The following PYGO1 variants were observed in gnomAD, a reference collection of about 807,000 sequenced individuals.
PYGO1 encodes the protein pygopus family PHD finger 1.
Under a neutral mutation model 29.5 loss-of-function variants are expected in PYGO1, and 6 were observed. That is an observed-to-expected ratio of 0.20 (90% confidence interval 0.11 to 0.40). PYGO1 has a LOEUF of 0.40. PYGO1 is among the 10% of genes least tolerant of loss of function. The pLI is 1.00. For synonymous variants in PYGO1, 186 were observed against 180.5 expected (o/e 1.03, Z -0.24); for missense variants, 515 against 514.9 (o/e 1.00, Z 0.00).
In PYGO1 at chr15:55,568,267, G is replaced by T. The variant is rs2058965335; in HGVS notation, c.50-19272C>A. On this transcript the variant is annotated intron_variant, in intron 1 of 2. Coordinates refer to ENST00000563719, the MANE Select transcript of PYGO1 (RefSeq NM_001367806.1). ...TGATTTATTTTATCAGTGTTTTTTA[G>T]TTCTCCTTGTAGAGATGTTTCACCT... is the stretch of plus-strand genomic sequence containing the variant. Among the ~76,000 whole-genome samples the T allele has an allele frequency of 2.7e-5, 4 of 148,344 alleles. No homozygotes were observed. The South Asian group carries it at 6.4e-4, about 24-fold the overall frequency.
At chr15:55,582,523 T>TA (rs2059029535) in intron 1 of PYGO1, among the ~76,000 whole-genome samples, 2 of 152,182 alleles carry the variant, frequency 1.3e-5, no homozygotes, top group Non-Finnish European at 2.9e-5. Context: ...TCCCAAATGT[T>TA]AGTGTTTCCA....
chr15:55,569,475 G>A (rs2058971619), intron 1 of PYGO1, among the ~76,000 whole-genome samples: 1 of 152,070 alleles, frequency 6.6e-6, no homozygotes. Flanking sequence ...ATTTTGGTAT[G>A]TTGTGCCTCT....
chr15:55,588,963 A>C, upstream of PYGO1: 1 of 944,258 alleles, frequency 1.1e-6, no homozygotes, highest in Non-Finnish European at 1.7e-6. Flanking sequence ...AGAAAGAGCG[A>C]CGTAGAATAA....
At position 55,546,969 on chromosome 15, in the gene PYGO1, C is replaced by T; in HGVS notation, c.314G>A (p.Arg105Lys). The stretch of plus-strand genomic sequence containing the variant: ...TCTTGGGGGAACGTGAGGTGGCATT[C>T]TGAATGTACTATAGCCTCCAAAGCC... ...YPGFGGYSTF[R>K]MPPHVPPRMS... The change falls in exon 3 of 3, where the codon AGA (arginine) becomes AAA (lysine). Residue 105 changes from arginine to lysine, a missense_variant. Arg to Lys is a conservative substitution (Grantham distance 26). Coordinates refer to ENST00000563719, the MANE Select transcript of PYGO1 (RefSeq NM_001367806.1). 1.2e-6 allele frequency: 2 copies of T among 1,614,030 alleles called. No homozygotes were observed. The highest frequency in any genetic ancestry group is 2.2e-5 in the East Asian group (1 of 44,868).
chr15:55,579,913 T>A lies in PYGO1; in HGVS notation c.49+7922A>T, dbSNP rs535305560. Among the ~76,000 whole-genome samples, 3 of 152,174 alleles carry A rather than the reference T, an allele frequency of 2.0e-5. No individual in the cohort carries two copies. In the East Asian group the frequency reaches 5.8e-4, roughly 29 times the overall value. On this transcript the variant is annotated intron_variant, in intron 1 of 2. Coordinates refer to ENST00000563719, the MANE Select transcript of PYGO1 (RefSeq NM_001367806.1). The stretch of plus-strand genomic sequence containing the variant: ...ACCACCTAAAATTCTTTTTTGAACA[T>A]TGAGTTTTATGGTATTAATTTTATA...
intron 1 of PYGO1, among the ~76,000 whole-genome samples, chr15:55,578,903 A>G (rs1438637449): frequency 6.6e-6 from 1 of 152,188 alleles, no homozygotes; most frequent in African/African-American, 2.4e-5. Context: ...AAGCTTATCT[A>G]CCTCTAAGAT....
At chr15:55,587,081 C>A (rs919228115) in intron 1 of PYGO1, among the ~76,000 whole-genome samples, 3 of 152,210 alleles carry the variant, frequency 2.0e-5, no homozygotes, top group African/African-American at 7.2e-5. Context: ...TCAGTCTTAA[C>A]CTTATTAAGA....
At chr15:55,547,801 G>C (rs192018861) in intron 2 of PYGO1, among the ~76,000 whole-genome samples, 4 of 152,186 alleles carry the variant, frequency 2.6e-5, no homozygotes, top group African/African-American at 9.6e-5. Context: ...AAAACAGTGA[G>C]AGCCTGTATA....
In PYGO1 at chr15:55,540,294, G is replaced by C. The variant is rs922789673; in HGVS notation, c.*5729C>G. On this transcript the variant is annotated 3_prime_UTR_variant, in exon 3 of 3. Transcript: ENST00000563719. ...TCTTAATCATGTCTAAATAAATGAA[G>C]ATAAATATTACAGTACTACTTATTT... is the stretch of plus-strand genomic sequence containing the variant. The C allele has an allele frequency of 5.9e-5, 9 of 151,952 alleles. No homozygotes were observed. Among genetic ancestry groups the C allele is most frequent in the Non-Finnish European group, 1.3e-4 (9 of 67,898 alleles). The allele number at this position is 151,952 out of a possible 1,614,324, so 9.4% of individuals were successfully genotyped here. A position where few individuals can be genotyped will look rare whatever the true frequency, so the allele number is the denominator to read the frequency against.
intron 1 of PYGO1, among the ~76,000 whole-genome samples, chr15:55,581,972 T>C (rs760501621): frequency 9.4e-5 from 14 of 149,206 alleles, no homozygotes; most frequent in Non-Finnish European, 1.7e-4. Context: ...TTTGGGAGGC[T>C]GAGGTGGGCG....
At chr15:55,553,245 T>A (rs977674156) in intron 1 of PYGO1, among the ~76,000 whole-genome samples, 4 of 152,080 alleles carry the variant, frequency 2.6e-5, no homozygotes, top group Non-Finnish European at 5.9e-5. Flanking sequence ...CTCCCCATGA[T>A]GGAGCCCCTG....
chr15:55,577,668 C>T (rs2059008908), intron 1 of PYGO1, among the ~76,000 whole-genome samples: 1 of 151,952 alleles, frequency 6.6e-6, no homozygotes, highest in South Asian at 2.1e-4. Context: ...ACCATCATTA[C>T]CATCTAATTC....
chr15:55,554,932 T>C (rs1174288331), intron 1 of PYGO1, among the ~76,000 whole-genome samples: 2 of 152,060 alleles, frequency 1.3e-5, no homozygotes, highest in African/African-American at 4.8e-5. Flanking sequence ...TCGGAAAACA[T>C]ACTTCAGGAT....
At chr15:55,555,825 A>G (rs2058902323) in intron 1 of PYGO1, among the ~76,000 whole-genome samples, 1 of 152,166 alleles carries the variant, frequency 6.6e-6, no homozygotes, top group African/African-American at 2.4e-5. Context: ...AAATAAAAGG[A>G]GGGAGGAAAA....
chr15:55,569,007 T>C (rs1403686300), intron 1 of PYGO1, among the ~76,000 whole-genome samples: 1 of 152,136 alleles, frequency 6.6e-6, no homozygotes, highest in East Asian at 1.9e-4. Flanking sequence ...TTTTGTTAAG[T>C]ATGTTTACAT....
At chr15:55,572,615 A>G (rs907767434) in intron 1 of PYGO1, among the ~76,000 whole-genome samples, 1 of 152,206 alleles carries the variant, frequency 6.6e-6, no homozygotes, top group African/African-American at 2.4e-5. Context: ...GGCAGCCTAC[A>G]AAAATGGGAG....
At position 55,547,134 on chromosome 15, in the gene PYGO1, G is replaced by GTCCCTC; in HGVS notation, c.148_149insGAGGGA (p.Pro50delinsArgGlyThr). On this transcript the variant is annotated protein_altering_variant, in exon 3 of 3. Coordinates refer to ENST00000563719, the MANE Select transcript of PYGO1 (RefSeq NM_001367806.1). The stretch of plus-strand genomic sequence containing the variant: ...TGGTGGAGCATACTCAGACAATGGA[G>GTCCCTC]GGAAAGAAGGTCCCTGAAATGAGAA... 1 of 1,591,922 alleles carries GTCCCTC rather than the reference G, an allele frequency of 6.3e-7. No homozygotes were observed. Among genetic ancestry groups the GTCCCTC allele is most frequent in the Admixed American group, 1.7e-5 (1 of 58,136 alleles).
At chr15:55,554,468 C>CAAAAA (rs56216226) in intron 1 of PYGO1, among the ~76,000 whole-genome samples, 45 of 122,856 alleles carry the variant, frequency 3.7e-4, no homozygotes, top group African/African-American at 7.9e-4. Flanking sequence ...GACTCTGTCT[C>CAAAAA]AAAAAAAAAA....
intron 1 of PYGO1, among the ~76,000 whole-genome samples, chr15:55,571,054 C>A (rs1047837768): frequency 6.6e-6 from 1 of 151,486 alleles, no homozygotes; most frequent in African/African-American, 2.4e-5. Flanking sequence ...TGATCCTCAT[C>A]TACTTTTAGC....
Sources: allele counts gnomAD v4.1 joint callset (sites outside exome capture counted in the v4.1 genomes callset), GRCh38; gene constraint gnomAD v4.1.1; transcripts MANE v1.5; gene names NCBI Gene and HGNC (gene_info 2026-07-23, HGNC 2026-07-21).